Variants in CFTR observed in about 807,000 individuals in gnomAD.
The protein encoded by CFTR is cystic fibrosis transmembrane conductance regulator.
CFTR carries 181 observed loss-of-function variants against 171.6 expected under a neutral mutation model. That is an observed-to-expected ratio of 1.05 (90% CI 0.93 to 1.19). The LOEUF (loss-of-function observed/expected upper bound fraction) is 1.19. CFTR is among the 50% of genes most tolerant of loss of function. The pLI is 0.00. For synonymous variants in CFTR, 583 were observed against 608.0 expected, an observed-to-expected ratio of 0.96 and a Z score of 0.60; for missense variants, 1,968 against 1,734.7, an observed-to-expected ratio of 1.13 and a Z score of -2.39.
chr7:117,521,341 G>T (rs1798682551), intron 3 of CFTR, among the ~76,000 whole-genome samples: 1 of 151,888 alleles, frequency 6.6e-6, no homozygotes, highest in South Asian at 2.1e-4. Flanking sequence ...AATGTTAAAT[G>T]GTAGTAATAG....
intron 19 of CFTR, among the ~76,000 whole-genome samples, 183 bp downstream of exon 19, chr7:117,610,852 T>G (rs553761418): frequency 7.1e-4 from 108 of 152,338 alleles, no homozygotes; most frequent in Admixed American, 8.5e-4. Flanking sequence ...ACATGGATTT[T>G]TTTTCTTAAT....
In CFTR at chr7:117,551,766, G is replaced by A. The variant is rs1190368057; in HGVS notation, c.1392+2943G>A. On this transcript the variant is annotated intron_variant, in intron 10 of 26. Coordinates refer to ENST00000003084, the MANE Select transcript of CFTR (RefSeq NM_000492.4). The stretch of plus-strand genomic sequence containing the variant: ...TTTGCATCACTGGATGCCCTTGACT[G>A]AAAGCTGGCTTATGGCATCTCACCA... Among the ~76,000 whole-genome samples the A allele has an allele frequency of 2.0e-5, 3 of 152,294 alleles. No individual in the cohort carries two copies. The East Asian group carries it at 5.8e-4, about 29-fold the overall frequency.
chr7:117,592,471 T>C lies in CFTR; in HGVS notation c.2304T>C (p.Ser768=). The C allele has an allele frequency of 6.4e-7, 1 of 1,566,802 alleles. No individual in the cohort carries two copies. The highest frequency in any genetic ancestry group is 8.6e-7 in the Non-Finnish European group (1 of 1,158,638). ...CGCTTCAGGCACGAAGGAGGCAGTC[T>C]GTCCTGAACCTGATGACACACTCAG... The part of the protein sequence containing the change: ...GPTLQARRRQ[S]VLNLMTHSVN... The change falls in exon 14 of 27, where the codon TCT becomes TCC. Residue 768 remains serine (S), a synonymous_variant. Coordinates refer to ENST00000003084, the MANE Select transcript of CFTR (RefSeq NM_000492.4).
At chr7:117,505,469 A>T (rs556525829) in intron 2 of CFTR, among the ~76,000 whole-genome samples, 4 of 152,312 alleles carry the variant, frequency 2.6e-5, no homozygotes, top group African/African-American at 7.2e-5. Context: ...ACCTGGTGGC[A>T]TTTGCCTTAT....
chr7:117,586,008 A>T (rs1334551476), intron 11 of CFTR, among the ~76,000 whole-genome samples: 4 of 152,220 alleles, frequency 2.6e-5, no homozygotes, highest in African/African-American at 9.7e-5. Context: ...GAGAGAAGAA[A>T]TACACACACG....
intron 23 of CFTR, among the ~76,000 whole-genome samples, chr7:117,643,993 C>A (rs1792958604): frequency 6.6e-6 from 1 of 151,876 alleles, no homozygotes; most frequent in Non-Finnish European, 1.5e-5. Flanking sequence ...GGAGGAAAAC[C>A]AAGTGGGCCA....
At chr7:117,616,911 G>C (rs1792500280) in intron 21 of CFTR, among the ~76,000 whole-genome samples, 1 of 152,106 alleles carries the variant, frequency 6.6e-6, no homozygotes, top group African/African-American at 2.4e-5. Context: ...TCATAGTGCT[G>C]TCACCCATGC....
chr7:117,518,511 A>G (rs1307948791), intron 3 of CFTR, among the ~76,000 whole-genome samples: 1 of 148,034 alleles, frequency 6.8e-6, no homozygotes, highest in Non-Finnish European at 1.5e-5. Flanking sequence ...ATAATAGGTT[A>G]GAAAATAGCA....
At chr7:117,517,267 C>T (rs954819234) in intron 3 of CFTR, among the ~76,000 whole-genome samples, 14 of 151,352 alleles carry the variant, frequency 9.2e-5, no homozygotes, top group Non-Finnish European at 1.9e-4. Flanking sequence ...TCCATGTGTT[C>T]TCATTGTTCA....
At chr7:117,616,633 C>G (rs1188637444) in intron 21 of CFTR, among the ~76,000 whole-genome samples, 1 of 152,042 alleles carries the variant, frequency 6.6e-6, no homozygotes, top group Non-Finnish European at 1.5e-5. Context: ...ATTTTCATTC[C>G]TCTAGTTTTT....
intron 10 of CFTR, among the ~76,000 whole-genome samples, chr7:117,557,571 A>G (rs906543627): frequency 3.3e-5 from 5 of 151,866 alleles, no homozygotes; most frequent in African/African-American, 1.2e-4. Context: ...TGCTTTTTAA[A>G]TTTAATATAT....
At chr7:117,628,458 C>G (rs1283599108) in intron 22 of CFTR, among the ~76,000 whole-genome samples, 3 of 152,024 alleles carry the variant, frequency 2.0e-5, no homozygotes, top group Non-Finnish European at 2.9e-5. Flanking sequence ...CTGGACTGCT[C>G]TATAAATCTA....
At chr7:117,523,191 G>C (rs1051868982) in intron 3 of CFTR, among the ~76,000 whole-genome samples, 2 of 152,028 alleles carry the variant, frequency 1.3e-5, no homozygotes, top group Non-Finnish European at 2.9e-5. Flanking sequence ...ATGTAAAATA[G>C]GTATTACAAA....
At chr7:117,608,545 T>C (rs1196428350) in intron 18 of CFTR, among the ~76,000 whole-genome samples, 3 of 152,204 alleles carry the variant, frequency 2.0e-5, no homozygotes, top group Non-Finnish European at 4.4e-5. Flanking sequence ...ATTCATTTGT[T>C]GTTGTTTCAC....
intron 2 of CFTR, among the ~76,000 whole-genome samples, chr7:117,505,918 T>G (rs1798408452): frequency 6.6e-6 from 1 of 152,212 alleles, no homozygotes; most frequent in Admixed American, 6.5e-5. Context: ...TTCACACTTC[T>G]AAGATCAAGG....
intron 21 of CFTR, chr7:117,616,360 GAATATTAAATA>G: frequency 6.6e-6 from 1 of 152,122 alleles, no homozygotes; most frequent in East Asian, 1.9e-4. Context: ...AACAGCAGGA[GAATATTAAATA>G]AATATTGTGC....
rs73215909 is a variant in CFTR at position 117,522,086 on chromosome 7, T to C, written c.274-8813T>C. On this transcript the variant is annotated intron_variant, in intron 3 of 26. Coordinates refer to ENST00000003084, the MANE Select transcript of CFTR (RefSeq NM_000492.4). ...CCAAATTTTCCCTGGGAGGCTGATC[T>C]AAATTGAGTCACAAAATTGTTCCCA... Among the ~76,000 whole-genome samples the C allele has an allele frequency of 2.7e-3, 413 of 152,336 alleles. 1 individual carries two copies. Among genetic ancestry groups the C allele is most frequent in the South Asian group, 4.8e-3 (23 of 4,832 alleles).
chr7:117,580,121 A>T (rs913497023), intron 11 of CFTR, among the ~76,000 whole-genome samples: 5 of 152,068 alleles, frequency 3.3e-5, no homozygotes, highest in Non-Finnish European at 5.9e-5. Flanking sequence ...TTAACTGTGC[A>T]CATGATAGAT....
intron 11 of CFTR, among the ~76,000 whole-genome samples, chr7:117,569,072 T>C (rs1791646867): frequency 6.6e-6 from 1 of 152,172 alleles, no homozygotes; most frequent in Non-Finnish European, 1.5e-5. Context: ...GAAGAGATGT[T>C]TGGGCTGGAA....
Sources: gnomAD v4.1 joint callset for allele counts (sites outside exome capture counted in the v4.1 genomes callset) on GRCh38, gnomAD v4.1.1 for gene constraint, MANE v1.5 for transcripts, NCBI Gene and HGNC (gene_info 2026-07-23, HGNC 2026-07-21) for gene names.